OR2B3: variants seen among roughly 807,000 people sequenced by gnomAD.
OR2B3 encodes the protein putative olfactory receptor 2B3.
For synonymous variants in OR2B3, 123 were observed against 133.8 expected (o/e 0.92, Z 0.56); for missense variants, 341 against 374.8 (o/e 0.91, Z 0.74).
chr6:29,086,217 C>A lies in OR2B3; in HGVS notation c.*90G>T. On this transcript the variant is annotated 3_prime_UTR_variant, in exon 1 of 1. Coordinates refer to ENST00000377173, the MANE Select transcript of OR2B3 (RefSeq NM_001005226.2). ...ACAGAATTTAGTGAAATCACCAGAG[C>A]CTGGAAAATAGGAAAATGAGTTCAA... The A allele has an allele frequency of 1.2e-6, 1 of 820,096 alleles. No homozygotes were observed. Among genetic ancestry groups the A allele is most frequent in the East Asian group, 2.6e-5 (1 of 38,178 alleles). 50.8% of individuals were successfully genotyped at this position (820,096 alleles called of 1,614,324 possible). A position where few individuals can be genotyped will look rare whatever the true frequency, so the allele number is the denominator to read the frequency against.
chr6:29,087,114 G>A lies in OR2B3; in HGVS notation c.135C>T (p.Ile45=), dbSNP rs923224605. Residue 45 remains isoleucine, a synonymous_variant, in exon 1 of 1, where the codon ATC becomes ATT. Transcript: ENST00000377173. The stretch of plus-strand genomic sequence containing the variant: ...TGGGATCCAGAATGCACACCATCAT[G>A]ATGGACACATTGCCAAATATGGTGA... ...YTITIFGNVS[I]MMVCILDPKL... 3.1e-6 allele frequency: 5 copies of A among 1,614,006 alleles called. No individual in the cohort carries two copies. The highest frequency in any genetic ancestry group is 1.3e-5 in the African/African-American group (1 of 74,926).
At position 29,086,532 on chromosome 6, in the gene OR2B3, C is replaced by T. The variant is rs779348833; in HGVS notation, c.717G>A (p.Gly239=). 4 of 1,613,996 alleles carry T rather than the reference C, an allele frequency of 2.5e-6. No homozygotes were observed. Among genetic ancestry groups the T allele is most frequent in the East Asian group, 4.5e-5 (2 of 44,858 alleles). The change falls in exon 1 of 1, where the codon GGG becomes GGA. Residue 239 remains glycine (G), a synonymous_variant. Transcript: ENST00000377173. ...CCACAATCATGTGGGACCCACATGT[C>T]CCAAATGCTTTTTGCCGTCCTTCTG... is the stretch of plus-strand genomic sequence containing the variant. ...RSAEGRQKAF[G]TCGSHMIVVS...
chr6:29,087,189 C>A lies in OR2B3; in HGVS notation c.60G>T (p.Arg20Ser). ...KEFILLGFSD[R>S]AWLQMPLFVV... ...CAAAAAGGGGCATTTGTAGCCAAGCCCTATCTGAGAAGCCAAGTAGTATAA... is the reference window on the plus strand; with the variant it reads ...CAAAAAGGGGCATTTGTAGCCAAGCACTATCTGAGAAGCCAAGTAGTATAA... The change falls in exon 1 of 1, where the codon AGG becomes AGT. Residue 20 changes from arginine to serine, a missense_variant. By Grantham distance (110) the Arg-to-Ser change is moderately radical. Coordinates refer to ENST00000377173, the MANE Select transcript of OR2B3 (RefSeq NM_001005226.2). 1.9e-6 allele frequency: 3 copies of A among 1,614,018 alleles called. No homozygotes were observed. Among genetic ancestry groups the A allele is most frequent in the Non-Finnish European group, 2.5e-6 (3 of 1,179,986 alleles).
rs1199552509 is a variant in OR2B3 at position 29,087,117 on chromosome 6, G to GT, written c.131_132insA (p.Ile45HisfsTer21). 1.9e-6 allele frequency: 3 copies of GT among 1,613,936 alleles called. No individual in the cohort carries two copies. The African/African-American group carries it at 4.0e-5, about 22-fold the overall frequency. On this transcript the variant is annotated frameshift_variant, in exon 1 of 1. Coordinates refer to ENST00000377173, the MANE Select transcript of OR2B3 (RefSeq NM_001005226.2). LOFTEE classifies it low-confidence loss of function (END_TRUNC). Reference sequence around the variant, plus strand: ...GATCCAGAATGCACACCATCATGATGGACACATTGCCAAATATGGTGATTG... The same window carrying GT: ...GATCCAGAATGCACACCATCATGATGTGACACATTGCCAAATATGGTGATTG...
Position 29,086,626 on chromosome 6 carries a change from A to G in OR2B3, c.623T>C (p.Leu208Pro), listed in dbSNP as rs777043128. The G allele has an allele frequency of 6.2e-7, 1 of 1,614,168 alleles. No homozygotes were observed. Among genetic ancestry groups the G allele is most frequent in the South Asian group, 1.1e-5 (1 of 91,084 alleles). Residue 208 changes from leucine to proline, a missense_variant, in exon 1 of 1, where the codon CTA (leucine) becomes CCA (proline). Leu to Pro is a moderately conservative substitution (Grantham distance 98, BLOSUM62 -3). Transcript: ENST00000377173. ...ELFFFSVLIL[L>P]IPVTLILISY... ...GATGAGGATCAATGTCACTGGAATT[A>G]GAAGAATTAGTACACTAAAGAAGAA...
rs1256356886 is a variant in OR2B3, at chr6:29,087,219, T to C, written c.30A>G (p.Lys10=). Residue 10 remains lysine (K), a synonymous_variant, in exon 1 of 1, where the codon AAA becomes AAG. Transcript: ENST00000377173. MNWENESSP[K]EFILLGFSDR... ...CTGAGAAGCCAAGTAGTATAAACTC[T>C]TTTGGGGAGCTCTCATTTTCCCAAT... 1 of 1,605,914 alleles carries C rather than the reference T, an allele frequency of 6.2e-7. No homozygotes were observed. Among genetic ancestry groups the C allele is most frequent in the African/African-American group, 1.3e-5 (1 of 74,606 alleles).
chr6:29,087,280 A>C lies in OR2B3; in HGVS notation c.-32T>G. 2 of 1,428,182 alleles carry C rather than the reference A, an allele frequency of 1.4e-6. No individual in the cohort carries two copies. The highest frequency in any genetic ancestry group is 2.6e-5 in the South Asian group (2 of 78,088). The allele number at this position is 1,428,182 out of a possible 1,614,324, so 88.5% of individuals were successfully genotyped here. ...TCACTTATTTCGCACTCCTAAAAAA[A>C]TGTAAGATAGGAAAGCAATCAATGT... is the stretch of plus-strand genomic sequence containing the variant. On this transcript the variant is annotated 5_prime_UTR_variant, in exon 1 of 1. Transcript: ENST00000377173.
chr6:29,086,652 G>C lies in OR2B3; in HGVS notation c.597C>G (p.Leu199=). The C allele has an allele frequency of 1.2e-6, 2 of 1,614,090 alleles. No individual in the cohort carries two copies. The highest frequency in any genetic ancestry group is 1.7e-6 in the Non-Finnish European group (2 of 1,179,992). ...GAAGAATTAGTACACTAAAGAAGAA[G>C]AGCTCAGCCTCAATAGGCTTTGTGT... ...CADTKPIEAE[L]FFFSVLILLI... The change falls in exon 1 of 1, where the codon CTC becomes CTG. Residue 199 remains leucine, a synonymous_variant. Coordinates refer to ENST00000377173, the MANE Select transcript of OR2B3 (RefSeq NM_001005226.2).
rs760779836 is a variant in OR2B3, at chr6:29,086,515, A to G, written c.734T>C (p.Met245Thr). The G allele has an allele frequency of 5.0e-5, 80 of 1,614,052 alleles. No individual in the cohort carries two copies. The highest frequency in any genetic ancestry group is 6.5e-5 in the Non-Finnish European group (77 of 1,179,954). The change falls in exon 1 of 1, where the codon ATG becomes ACG. Residue 245 changes from methionine to threonine, a missense_variant. Physicochemically the swap from Met to Thr is moderately conservative, Grantham distance 81. Coordinates refer to ENST00000377173, the MANE Select transcript of OR2B3 (RefSeq NM_001005226.2). The part of the protein sequence containing the change: ...QKAFGTCGSH[M>T]IVVSLFYGTA... ...TCCATAAAAGAGGGACACCACAATC[A>G]TGTGGGACCCACATGTCCCAAATGC...
Position 29,087,134 on chromosome 6 carries a change from TG to T in OR2B3, c.114del (p.Ile39TyrfsTer8). 2 of 1,614,112 alleles carry T rather than the reference TG, an allele frequency of 1.2e-6. No homozygotes were observed. The highest frequency in any genetic ancestry group is 8.5e-7 in the Non-Finnish European group (1 of 1,179,976). On this transcript the variant is annotated frameshift_variant, in exon 1 of 1. Transcript: ENST00000377173. LOFTEE classifies it low-confidence loss of function (END_TRUNC). ...ATCATGATGGACACATTGCCAAATA[TG>T]GTGATTGTGTATGATATTAACAGGA... ...FVVLLISYTI[T>X]IFGNVSIMMV...
In OR2B3 at chr6:29,086,941, A is replaced by G. The variant is rs769315491; in HGVS notation, c.308T>C (p.Ile103Thr). ...SYAGCVAHLI[I>T]FLALGATECL... is the part of the protein sequence containing the mutation. ...CTCTGTAGCACCTAGGGCCAGGAAG[A>G]TGATGAGGTGGGCCACACAGCCAGC... is the stretch of plus-strand genomic sequence containing the variant. Residue 103 changes from isoleucine (I) to threonine (T), a missense_variant, in exon 1 of 1, where the codon ATC becomes ACC. Transcript: ENST00000377173. 152 of 1,614,252 alleles carry G rather than the reference A, an allele frequency of 9.4e-5. No individual in the cohort carries two copies. The highest frequency in any genetic ancestry group is 1.3e-4 in the Non-Finnish European group (149 of 1,180,028).
Position 29,086,915 on chromosome 6 carries a change from A to G in OR2B3, c.334T>C (p.Cys112Arg). The G allele has an allele frequency of 6.2e-7, 1 of 1,614,164 alleles. No individual in the cohort carries two copies. Among genetic ancestry groups the G allele is most frequent in the Non-Finnish European group, 8.5e-7 (1 of 1,180,020 alleles). ...AAGGACATAACAGCCAGAAGGAGAC[A>G]CTCTGTAGCACCTAGGGCCAGGAAG... ...IIFLALGATE[C>R]LLLAVMSFDR... The change falls in exon 1 of 1, where the codon TGT becomes CGT. Residue 112 changes from cysteine to arginine, a missense_variant. Physicochemically the swap from Cys to Arg is radical, Grantham distance 180 (BLOSUM62 -3). Coordinates refer to ENST00000377173, the MANE Select transcript of OR2B3 (RefSeq NM_001005226.2).
Position 29,086,567 on chromosome 6 carries a change from T to C in OR2B3, c.682A>G (p.Ile228Val). Residue 228 changes from isoleucine (I) to valine (V), a missense_variant, in exon 1 of 1, where the codon ATC becomes GTC. Ile to Val is a conservative substitution (Grantham distance 29). Transcript: ENST00000377173. Reference protein sequence around the residue: ...YGFIAQAVLKIRSAEGRQKAF... With the variant: ...YGFIAQAVLKVRSAEGRQKAF... ...TTTTGCCGTCCTTCTGCTGACCTGA[T>C]TTTTAATACTGCTTGAGCTATGAAG... is the stretch of plus-strand genomic sequence containing the variant. The C allele has an allele frequency of 6.2e-7, 1 of 1,614,164 alleles. No individual in the cohort carries two copies. The highest frequency in any genetic ancestry group is 8.5e-7 in the Non-Finnish European group (1 of 1,180,004).
chr6:29,086,760 A>ATCTT lies in OR2B3; in HGVS notation c.488_489insAAGA (p.Leu164ArgfsTer3). On this transcript the variant is annotated frameshift_variant, in exon 1 of 1. Transcript: ENST00000377173. LOFTEE classifies it low-confidence loss of function (END_TRUNC). ...GGTGACCACAGCGTGGCATGTTAAG[A>ATCTT]GTCAAGGAAGACTGCAGCACTGAGT... 1 of 1,614,198 alleles carries ATCTT rather than the reference A, an allele frequency of 6.2e-7. No homozygotes were observed. Among genetic ancestry groups the ATCTT allele is most frequent in the Non-Finnish European group, 8.5e-7 (1 of 1,180,040 alleles).
In OR2B3 at chr6:29,087,124, T is replaced by C. The variant is rs1287170898; in HGVS notation, c.125A>G (p.Asn42Ser). 6.2e-7 allele frequency: 1 copy of C among 1,614,092 alleles called. No homozygotes were observed. Among genetic ancestry groups the C allele is most frequent in the East Asian group, 2.2e-5 (1 of 44,884 alleles). The part of the protein sequence containing the change: ...LISYTITIFG[N>S]VSIMMVCILD... ...AATGCACACCATCATGATGGACACATTGCCAAATATGGTGATTGTGTATGA... is the reference window on the plus strand; with the variant it reads ...AATGCACACCATCATGATGGACACACTGCCAAATATGGTGATTGTGTATGA... Residue 42 changes from asparagine (N) to serine (S), a missense_variant, in exon 1 of 1, where the codon AAT becomes AGT. Asn to Ser is a conservative substitution (Grantham distance 46, BLOSUM62 1). Coordinates refer to ENST00000377173, the MANE Select transcript of OR2B3 (RefSeq NM_001005226.2).
rs1266538511 is a variant in OR2B3 at position 29,086,529 on chromosome 6, T to C, written c.720A>G (p.Thr240=). ...ACACCACAATCATGTGGGACCCACA[T>C]GTCCCAAATGCTTTTTGCCGTCCTT... ...SAEGRQKAFG[T]CGSHMIVVSL... The change falls in exon 1 of 1, where the codon ACA becomes ACG. Residue 240 remains threonine (T), a synonymous_variant. Coordinates refer to ENST00000377173, the MANE Select transcript of OR2B3 (RefSeq NM_001005226.2). 1 of 1,613,852 alleles carries C rather than the reference T, an allele frequency of 6.2e-7. No individual in the cohort carries two copies. The highest frequency in any genetic ancestry group is 8.5e-7 in the Non-Finnish European group (1 of 1,179,840).
At position 29,086,252 on chromosome 6, in the gene OR2B3, C is replaced by G. The variant is rs943522509; in HGVS notation, c.*55G>C. 6 of 1,044,476 alleles carry G rather than the reference C, an allele frequency of 5.7e-6. No homozygotes were observed. The highest frequency in any genetic ancestry group is 8.5e-6 in the Non-Finnish European group (6 of 709,360). 64.7% of individuals were successfully genotyped at this position (1,044,476 alleles called of 1,614,324 possible). A position where few individuals can be genotyped will look rare whatever the true frequency, so the allele number is the denominator to read the frequency against. Reference sequence around the variant, plus strand: ...AGGAAAATGAGTTCAAAGGTCATTACCATCATTGAAGATAAGGAAAGACTA... The same window carrying G: ...AGGAAAATGAGTTCAAAGGTCATTAGCATCATTGAAGATAAGGAAAGACTA... On this transcript the variant is annotated 3_prime_UTR_variant, in exon 1 of 1. Coordinates refer to ENST00000377173, the MANE Select transcript of OR2B3 (RefSeq NM_001005226.2).
Position 29,087,047 on chromosome 6 carries a change from T to G in OR2B3, c.202A>C (p.Ile68Leu). The G allele has an allele frequency of 6.2e-7, 1 of 1,614,186 alleles. No homozygotes were observed. Among genetic ancestry groups the G allele is most frequent in the Non-Finnish European group, 8.5e-7 (1 of 1,180,022 alleles). The change falls in exon 1 of 1, where the codon ATC becomes CTC. Residue 68 changes from isoleucine (I) to leucine (L), a missense_variant. Physicochemically the swap from Ile to Leu is conservative, Grantham distance 5 (BLOSUM62 2). Transcript: ENST00000377173. Reference sequence around the variant, plus strand: ...GTTGTGGTATAGCAGAGATCTAAGATGGAGAGATTAGTGAGAAAGAAATAC... The same window carrying G: ...GTTGTGGTATAGCAGAGATCTAAGAGGGAGAGATTAGTGAGAAAGAAATAC... Reference protein sequence around the residue: ...PMYFFLTNLSILDLCYTTTTV... With the variant: ...PMYFFLTNLSLLDLCYTTTTV...
rs768512461 is a variant in OR2B3, at chr6:29,086,475, C to A, written c.774G>T (p.Met258Ile). Residue 258 changes from methionine to isoleucine, a missense_variant, in exon 1 of 1, where the codon ATG (methionine) becomes ATT (isoleucine). Met to Ile is a conservative substitution (Grantham distance 10). Coordinates refer to ENST00000377173, the MANE Select transcript of OR2B3 (RefSeq NM_001005226.2). The part of the protein sequence containing the change: ...VSLFYGTAIY[M>I]YLQPPSSTSK... Reference sequence around the variant, plus strand: ...AGGTGGATGAAGGTGGTTGAAGATACATATAAATGGCTGTTCCATAAAAGA... The same window carrying A: ...AGGTGGATGAAGGTGGTTGAAGATAAATATAAATGGCTGTTCCATAAAAGA... 2 of 1,614,130 alleles carry A rather than the reference C, an allele frequency of 1.2e-6. No individual in the cohort carries two copies. The highest frequency in any genetic ancestry group is 1.7e-6 in the Non-Finnish European group (2 of 1,180,014).
Sources: allele counts gnomAD v4.1 joint callset, GRCh38; gene constraint gnomAD v4.1.1; transcripts MANE v1.5; gene names NCBI Gene and HGNC (gene_info 2026-07-23, HGNC 2026-07-21).